ITGA2: variants seen among roughly 807,000 people sequenced by gnomAD.
ITGA2 encodes integrin alpha-2.
ITGA2 carries 101 observed loss-of-function variants against 146.3 expected under a neutral mutation model. That is an observed-to-expected ratio of 0.69 (90% CI 0.59 to 0.81). The LOEUF is 0.81. Among genes scored for constraint, ITGA2 ranks in the 40% least tolerant of loss-of-function variants. The probability of loss-of-function intolerance (pLI) is 0.00; values close to 1 mark genes in which losing one functional copy is unlikely to be tolerated. For missense variants in ITGA2, 1,281 were observed against 1,402.7 expected (o/e 0.91, Z 1.39); for synonymous variants, 477 against 487.1 (o/e 0.98, Z 0.27).
At chr5:53,044,274 C>CAACAAAAAAAAAA in intron 3 of ITGA2, among the ~76,000 whole-genome samples, 1 of 37,772 alleles carries the variant, frequency 2.6e-5, no homozygotes, top group Non-Finnish European at 4.0e-5. Flanking sequence ...GACTCTGTCT[C>CAACAAAAAAAAAA]AAAAAAAAAA....
intron 9 of ITGA2, among the ~76,000 whole-genome samples, chr5:53,056,526 A>T (rs796730283): frequency 1.3e-5 from 2 of 152,096 alleles, no homozygotes; most frequent in East Asian, 3.9e-4. Context: ...AATTGTTATG[A>T]CTTTTGGGGG....
chr5:52,997,691 G>A (rs1447306721), intron 1 of ITGA2, among the ~76,000 whole-genome samples: 1 of 152,092 alleles, frequency 6.6e-6, no homozygotes, highest in African/African-American at 2.4e-5. Context: ...AGCTGGCTTC[G>A]GGTCAGTTCA....
rs1388676199 is a variant in ITGA2 at position 53,092,720 on chromosome 5, C to T, written c.*2121C>T. 2.0e-5 allele frequency: 3 copies of T among 151,962 alleles called. No homozygotes were observed. The highest frequency in any genetic ancestry group is 2.0e-4 in the Admixed American group (3 of 15,254). 9.4% of individuals were successfully genotyped at this position (151,962 alleles called of 1,614,324 possible). On this transcript the variant is annotated 3_prime_UTR_variant, in exon 30 of 30. Transcript: ENST00000296585. ...TGGTGTGTACCTGAAGCTCCAGCTA[C>T]TTGAGAGACTGAGACAGGAAGATCG...
intron 1 of ITGA2, among the ~76,000 whole-genome samples, chr5:53,024,719 G>A (rs915607175): frequency 2.6e-5 from 4 of 152,174 alleles, no homozygotes; most frequent in Admixed American, 1.3e-4. Flanking sequence ...GCTGCAAAGC[G>A]CATAAGCAGA....
At chr5:53,065,247 A>G in intron 14 of ITGA2, 132 bp downstream of exon 14, 1 of 912,018 alleles carries the variant, frequency 1.1e-6, no homozygotes, top group Non-Finnish European at 1.7e-6. Flanking sequence ...GCAAATATAA[A>G]GTGAGCCTCT....
chr5:53,081,642 A>T lies in ITGA2; in HGVS notation c.3090A>T (p.Gln1030His), dbSNP rs752792007. Residue 1030 changes from glutamine (Q) to histidine (H), a missense_variant, in exon 26 of 30, where the codon CAA becomes CAT. Gln to His is a conservative substitution (Grantham distance 24). Around this residue, in one of 3 missense-constraint regions of ITGA2, gnomAD observed 475 missense variants for 530.5 expected, o/e 0.90. Coordinates refer to ENST00000296585, the MANE Select transcript of ITGA2 (RefSeq NM_002203.4). ...ATATCAATCCACTGAAAATAGGACA[A>T]ACATCTTCTTCTGTATCTTTCAAAA... The part of the protein sequence containing the change: ...NADINPLKIG[Q>H]TSSSVSFKSE... The T allele has an allele frequency of 2.5e-6, 4 of 1,613,246 alleles. No individual in the cohort carries two copies. The highest frequency in any genetic ancestry group is 3.3e-5 in the Admixed American group (2 of 59,916).
rs560928293 is a variant in ITGA2 at position 53,056,181 on chromosome 5, C to A, written c.1096+32C>A. 4.4e-6 allele frequency: 7 copies of A among 1,584,296 alleles called. No homozygotes were observed. In the East Asian group the frequency reaches 1.4e-4, roughly 31 times the overall value. On this transcript the variant is annotated intron_variant, in intron 9 of 29. Coordinates refer to ENST00000296585, the MANE Select transcript of ITGA2 (RefSeq NM_002203.4). ...AAAATAACCTCCTTTCAAGAATTTT[C>A]TTCAAAATGTTTAAATAATTGTTTA...
chr5:53,061,344 A>C lies in ITGA2; in HGVS notation c.1458+298A>C, dbSNP rs555890216. ...CTCAGAGGCTGTCCTGAATGATTAC[A>C]TCCCCTTCATGTTTTTGACTCCCTG... On this transcript the variant is annotated intron_variant, in intron 12 of 29. Transcript: ENST00000296585. Among the ~76,000 whole-genome samples the C allele has an allele frequency of 7.2e-5, 11 of 152,044 alleles. No individual in the cohort carries two copies. The East Asian group carries it at 2.1e-3, about 30-fold the overall frequency.
At chr5:53,075,643 C>T (rs1745629187) in intron 23 of ITGA2, among the ~76,000 whole-genome samples, 1 of 151,936 alleles carries the variant, frequency 6.6e-6, no homozygotes, top group Non-Finnish European at 1.5e-5. Flanking sequence ...TGAGAGTTGT[C>T]TTCACTTTCT....
rs779046164 is a variant in ITGA2 at position 53,048,652 on chromosome 5, C to T, written c.512C>T (p.Ser171Phe). 1.2e-6 allele frequency: 2 copies of T among 1,614,022 alleles called. No homozygotes were observed. The highest frequency in any genetic ancestry group is 2.2e-5 in the South Asian group (2 of 91,064). ...CTCTTTTCCTGTGTAGCCTGCCCTT[C>T]CCTCATAGATGTTGTGGTTGTGTGT... Reference protein sequence around the residue: ...SFSPATQPCPSLIDVVVVCDE... With the variant: ...SFSPATQPCPFLIDVVVVCDE... The change falls in exon 6 of 30, where the codon TCC (serine) becomes TTC (phenylalanine). Residue 171 changes from serine (S) to phenylalanine (F), a missense_variant. Ser to Phe is a radical substitution (Grantham distance 155, BLOSUM62 -2). This residue lies in a region of ITGA2 where 795 missense variants were observed against 841.7 expected (regional missense o/e 0.94). Transcript: ENST00000296585.
chr5:53,044,858 C>T, intron 3 of ITGA2, 143 bp from the exon 4 acceptor site: 2 of 681,518 alleles, frequency 2.9e-6, no homozygotes, highest in Non-Finnish European at 2.7e-6. Flanking sequence ...TTTCCCCACA[C>T]TTCATTATAT....
intron 2 of ITGA2, among the ~76,000 whole-genome samples, chr5:53,030,838 A>G (rs935950480): frequency 1.3e-5 from 2 of 152,212 alleles, no homozygotes; most frequent in Non-Finnish European, 2.9e-5. Flanking sequence ...GTCACTAGCT[A>G]TAATAACTTA....
intron 1 of ITGA2, among the ~76,000 whole-genome samples, chr5:53,010,296 C>T (rs1036178777): frequency 2.6e-5 from 4 of 152,124 alleles, no homozygotes; most frequent in Non-Finnish European, 4.4e-5. Context: ...CTGTTGAGAG[C>T]CCAGAGGCCT....
chr5:53,054,312 A>G (rs1253239486), intron 7 of ITGA2, among the ~76,000 whole-genome samples: 1 of 152,186 alleles, frequency 6.6e-6, no homozygotes, highest in Non-Finnish European at 1.5e-5. Flanking sequence ...TCATTTAAAC[A>G]TCATGTAATA....
chr5:53,080,437 A>G (rs888198665), intron 24 of ITGA2, 74 bp from the exon 25 acceptor site: 2 of 1,174,708 alleles, frequency 1.7e-6, no homozygotes, highest in Admixed American at 3.4e-5. Flanking sequence ...CTTCATCAAC[A>G]CGGGGTTACT....
At position 53,045,155 on chromosome 5, in the gene ITGA2, T is replaced by C; in HGVS notation, c.387+63T>C. On this transcript the variant is annotated intron_variant, in intron 4 of 29. Transcript: ENST00000296585. The stretch of plus-strand genomic sequence containing the variant: ...AAAGTACATAGACAGTAGTGTCTTC[T>C]CACCATCCCTCCCAATCTGAGGATT... 4 of 1,179,008 alleles carry C rather than the reference T, an allele frequency of 3.4e-6. No individual in the cohort carries two copies. In the South Asian group the frequency reaches 4.9e-5, roughly 14 times the overall value. The allele number at this position is 1,179,008 out of a possible 1,614,324, so 73.0% of individuals were successfully genotyped here. A position where few individuals can be genotyped will look rare whatever the true frequency, so the allele number is the denominator to read the frequency against.
chr5:53,027,397 G>A (rs894629892), intron 2 of ITGA2, among the ~76,000 whole-genome samples: 3 of 152,144 alleles, frequency 2.0e-5, no homozygotes, highest in African/African-American at 7.2e-5. Context: ...GCTTTCTCTA[G>A]CATATTAACA....
At chr5:53,039,724 A>G (rs1185304569) in intron 2 of ITGA2, among the ~76,000 whole-genome samples, 5 of 123,188 alleles carry the variant, frequency 4.1e-5, no homozygotes, top group African/African-American at 1.5e-4. Flanking sequence ...TAGGCAACAG[A>G]GTGAGACTCC....
At chr5:53,029,062 AG>A (rs1276780520) in intron 2 of ITGA2, among the ~76,000 whole-genome samples, 1 of 152,198 alleles carries the variant, frequency 6.6e-6, no homozygotes, top group Non-Finnish European at 1.5e-5. Flanking sequence ...ACTTGAGGCC[AG>A]GATTTCAAGA....
Sources: allele counts gnomAD v4.1 joint callset (sites outside exome capture counted in the v4.1 genomes callset), GRCh38; gene constraint gnomAD v4.1.1; regional missense constraint gnomAD v4.1.1; transcripts MANE v1.5; gene names NCBI Gene and HGNC (gene_info 2026-07-23, HGNC 2026-07-21).